Variants in DDC observed in about 807,000 individuals in gnomAD.
DDC encodes dopa decarboxylase, also known as aromatic-L-amino-acid decarboxylase.
In DDC, 43 loss-of-function variants were observed where a neutral mutation model predicts 60.0. That is an observed-to-expected ratio of 0.72 (90% CI 0.56 to 0.92). The LOEUF (loss-of-function observed/expected upper bound fraction) is 0.92, where lower values mean the gene tolerates loss of function less well. DDC is among the 40% of genes least tolerant of loss of function. DDC has a pLI of 0.00. For synonymous variants in DDC, 232 were observed against 234.6 expected, an observed-to-expected ratio of 0.99 and a Z score of 0.10; for missense variants, 573 against 620.2, an observed-to-expected ratio of 0.92 and a Z score of 0.81.
chr7:50,467,130 G>A (rs577241418), intron 13 of DDC, 84 bp downstream of exon 13: 1 of 1,219,488 alleles, frequency 8.2e-7, no homozygotes, highest in East Asian at 2.3e-5. Flanking sequence ...GCCAGTGCCA[G>A]TGTTTGAGCA....
chr7:50,517,884 T>C (rs936049185), intron 6 of DDC, among the ~76,000 whole-genome samples: 2 of 146,468 alleles, frequency 1.4e-5, no homozygotes, highest in Non-Finnish European at 3.0e-5. Flanking sequence ...TGAAGACCTC[T>C]ACCAGGAGAA....
chr7:50,488,732 A>C (rs1280626474), intron 9 of DDC, among the ~76,000 whole-genome samples: 6 of 152,204 alleles, frequency 3.9e-5, no homozygotes. Flanking sequence ...TAAACTAAAA[A>C]AATTGTTAGA....
At chr7:50,468,280 C>G (rs901864837) in intron 12 of DDC, among the ~76,000 whole-genome samples, 1 of 152,246 alleles carries the variant, frequency 6.6e-6, no homozygotes, top group African/African-American at 2.4e-5. Context: ...CTTTGAGCAT[C>G]GCTGGACTCT....
intron 6 of DDC, among the ~76,000 whole-genome samples, chr7:50,518,888 T>A (rs2043812298): frequency 1.3e-5 from 2 of 152,230 alleles, no homozygotes; most frequent in Non-Finnish European, 1.5e-5. Context: ...GATAAATGGC[T>A]GGGACCTAAT....
intron 1 of DDC, among the ~76,000 whole-genome samples, chr7:50,546,777 G>A (rs2044820156): frequency 6.6e-6 from 1 of 152,246 alleles, no homozygotes; most frequent in South Asian, 2.1e-4. Context: ...CAGCTAGTGA[G>A]TGCTTGAGTG....
chr7:50,520,725 C>T (rs1359303799), intron 6 of DDC, among the ~76,000 whole-genome samples: 3 of 152,030 alleles, frequency 2.0e-5, no homozygotes, highest in African/African-American at 7.2e-5. Flanking sequence ...GCCAGCCTGA[C>T]CAACATGGTG....
At chr7:50,513,493 C>T (rs144554606) in intron 6 of DDC, among the ~76,000 whole-genome samples, 11 of 152,264 alleles carry the variant, frequency 7.2e-5, no homozygotes, top group African/African-American at 2.2e-4. Flanking sequence ...AACTCGGGGA[C>T]GGTGCAAATC....
At chr7:50,540,600 T>C (rs918102723) in intron 2 of DDC, among the ~76,000 whole-genome samples, 1 of 152,002 alleles carries the variant, frequency 6.6e-6, no homozygotes, top group Non-Finnish European at 1.5e-5. Flanking sequence ...AGCTGAGGCC[T>C]TCCCTCCAGC....
intron 11 of DDC, among the ~76,000 whole-genome samples, chr7:50,472,365 T>C (rs930975981): frequency 6.6e-6 from 1 of 152,236 alleles, no homozygotes; most frequent in African/African-American, 2.4e-5. Flanking sequence ...GGATTCTTTA[T>C]GTAGAAGTCA....
intron 4 of DDC, among the ~76,000 whole-genome samples, 178 bp from the exon 5 acceptor site, chr7:50,529,520 A>G (rs1180061628): frequency 6.6e-6 from 1 of 152,204 alleles, no homozygotes; most frequent in Non-Finnish European, 1.5e-5. Flanking sequence ...TGAGACCACC[A>G]CTTCAGCTGT....
At chr7:50,467,507 C>A (rs1421531128) in intron 12 of DDC, among the ~76,000 whole-genome samples, 192 bp from the exon 13 acceptor site, 4 of 152,236 alleles carry the variant, frequency 2.6e-5, no homozygotes, top group Non-Finnish European at 5.9e-5. Flanking sequence ...TACATTAGCA[C>A]AGGTCTAGTG....
At chr7:50,472,214 C>T (rs901222927) in intron 11 of DDC, among the ~76,000 whole-genome samples, 1 of 152,162 alleles carries the variant, frequency 6.6e-6, no homozygotes, top group Non-Finnish European at 1.5e-5. Flanking sequence ...GTCTCATTTG[C>T]CTTTTTAGTC....
chr7:50,563,034 G>A (rs538526625), intron 1 of DDC, among the ~76,000 whole-genome samples: 6 of 152,200 alleles, frequency 3.9e-5, no homozygotes, highest in Non-Finnish European at 5.9e-5. Flanking sequence ...GGGCACAGTG[G>A]CAGGCACTTG....
rs1195136284 is a variant in DDC at position 50,492,823 on chromosome 7, G to A, written c.944+2527C>T. On this transcript the variant is annotated intron_variant, in intron 9 of 14. Coordinates refer to ENST00000444124, the MANE Select transcript of DDC (RefSeq NM_001082971.2). Reference sequence around the variant, plus strand: ...GAACCCCGAGCGCCGGGGAAGAGTTGTCCGGGAGAGATGAGCGCACAGCCG... The same window carrying A: ...GAACCCCGAGCGCCGGGGAAGAGTTATCCGGGAGAGATGAGCGCACAGCCG... The A allele has an allele frequency of 5.3e-6, 8 of 1,517,566 alleles. No homozygotes were observed. The African/African-American group carries it at 8.2e-5, about 16-fold the overall frequency. The allele number at this position is 1,517,566 out of a possible 1,614,324, so 94.0% of individuals were successfully genotyped here. A position where few individuals can be genotyped will look rare whatever the true frequency, so the allele number is the denominator to read the frequency against.
chr7:50,528,269 T>C lies in DDC; in HGVS notation c.582A>G (p.Ser194=). 1 of 1,614,088 alleles carries C rather than the reference T, an allele frequency of 6.2e-7. No individual in the cohort carries two copies. The highest frequency in any genetic ancestry group is 8.5e-7 in the Non-Finnish European group (1 of 1,179,988). The change falls in exon 6 of 15, where the codon TCA becomes TCG. Residue 194 remains serine, a synonymous_variant. Transcript: ENST00000444124. ...CACCAATTAACCCAGCTCTTTCCACTGAGGAGTGTGCCTGGAAAGAAGACA... is the reference window on the plus strand; with the variant it reads ...CACCAATTAACCCAGCTCTTTCCACCGAGGAGTGTGCCTGGAAAGAAGACA... ...VAYSSDQAHS[S]VERAGLIGGV...
chr7:50,551,229 CTTTTTT>C (rs58446864), intron 1 of DDC, among the ~76,000 whole-genome samples: 2 of 133,028 alleles, frequency 1.5e-5, no homozygotes, highest in Non-Finnish European at 1.6e-5. Flanking sequence ...TTCCGTTGTA[CTTTTTT>C]TTTTTTTTTT....
intron 2 of DDC, chr7:50,543,437 A>G (rs1223977812): frequency 1.0e-5 from 3 of 295,564 alleles, no homozygotes; most frequent in Non-Finnish European, 2.0e-5. Flanking sequence ...CCACTCTCAA[A>G]TAAACTAAAG....
chr7:50,529,306 C>T lies in DDC; in HGVS notation c.472G>A (p.Ala158Thr). Residue 158 changes from alanine to threonine, a missense_variant, in exon 5 of 15, where the codon GCC (alanine) becomes ACC (threonine). By Grantham distance (58) the Ala-to-Thr change is moderately conservative (BLOSUM62 0). Transcript: ENST00000444124. ...ASEATLVALL[A>T]ARTKVIHRLQ... is the part of the protein sequence containing the mutation. The stretch of plus-strand genomic sequence containing the variant: ...CGATGGATCACTTTGGTCCGAGCGG[C>T]CAGCAGGGCCACCAGGGTGGCTTCA... The T allele has an allele frequency of 6.2e-7, 1 of 1,614,206 alleles. No individual in the cohort carries two copies. The highest frequency in any genetic ancestry group is 8.5e-7 in the Non-Finnish European group (1 of 1,180,040).
chr7:50,481,550 A>T (rs998552381), intron 9 of DDC, among the ~76,000 whole-genome samples: 6 of 152,276 alleles, frequency 3.9e-5, no homozygotes, highest in African/African-American at 1.2e-4. Context: ...AATTTAAAAA[A>T]TTTTGCACTA....
Sources: allele counts gnomAD v4.1 joint callset (sites outside exome capture counted in the v4.1 genomes callset), GRCh38; gene constraint gnomAD v4.1.1; transcripts MANE v1.5; gene names NCBI Gene and HGNC (gene_info 2026-07-23, HGNC 2026-07-21).